CTNNA3: variants seen among roughly 807,000 people sequenced by gnomAD.
CTNNA3 encodes the protein catenin alpha 3.
A neutral mutation model predicts 95.7 loss-of-function variants in CTNNA3; 76 were observed. The ratio of observed to expected loss-of-function variants is 0.79; its 90% CI spans 0.66 to 0.96. The LOEUF (loss-of-function observed/expected upper bound fraction) is 0.96, where lower values mean the gene tolerates loss of function less well. CTNNA3 is among the 40% of genes least tolerant of loss of function. CTNNA3 has a pLI of 0.00. For synonymous variants in CTNNA3, 431 were observed against 374.4 expected (o/e 1.15, Z -1.74); for missense variants, 1,191 against 1,089.8 (o/e 1.09, Z -1.31).
intron 10 of CTNNA3, among the ~76,000 whole-genome samples, chr10:66,525,760 T>C (rs528942077): frequency 1.3e-5 from 2 of 152,298 alleles, no homozygotes; most frequent in East Asian, 3.9e-4. Context: ...CCAGAACTTT[T>C]TAGCACATCA....
chr10:67,145,453 T>C (rs540043694), intron 7 of CTNNA3, among the ~76,000 whole-genome samples: 10 of 150,020 alleles, frequency 6.7e-5, no homozygotes, highest in African/African-American at 2.4e-4. Flanking sequence ...TTTTTTTTGA[T>C]GGAGTCTCAG....
chr10:67,444,630 C>T (rs1194637520), intron 5 of CTNNA3, among the ~76,000 whole-genome samples: 1 of 151,626 alleles, frequency 6.6e-6, no homozygotes, highest in Admixed American at 6.6e-5. Context: ...AAAGCCTAAA[C>T]AAAATTGACA....
chr10:66,997,286 A>C (rs1391340124), intron 7 of CTNNA3, among the ~76,000 whole-genome samples: 3 of 152,210 alleles, frequency 2.0e-5, no homozygotes, highest in Non-Finnish European at 4.4e-5. Flanking sequence ...ACAATCTCTT[A>C]TAAAAATGAA....
At chr10:66,751,975 A>AAT (rs1163860938) in intron 9 of CTNNA3, among the ~76,000 whole-genome samples, 2 of 152,148 alleles carry the variant, frequency 1.3e-5, no homozygotes, top group Non-Finnish European at 2.9e-5. Flanking sequence ...GGAGAGATAT[A>AAT]CCATGTTTGT....
At position 67,232,163 on chromosome 10, in the gene CTNNA3, C is replaced by T. The variant is rs551988785; in HGVS notation, c.580-12293G>A. On this transcript the variant is annotated intron_variant, in intron 5 of 17. Coordinates refer to ENST00000433211, the MANE Select transcript of CTNNA3 (RefSeq NM_013266.4). ...TCAGATTCAGGAAATACAGAGAACG[C>T]CACAAAGACACTCCTCGAGAAGAGC... Among the ~76,000 whole-genome samples, 19 of 152,110 alleles carry T rather than the reference C, an allele frequency of 1.2e-4. No individual in the cohort carries two copies. In the South Asian group the frequency reaches 3.5e-3, roughly 28 times the overall value.
At chr10:66,958,241 G>A (rs1848925674) in intron 7 of CTNNA3, among the ~76,000 whole-genome samples, 1 of 137,972 alleles carries the variant, frequency 7.2e-6, no homozygotes, top group Non-Finnish European at 1.5e-5. Context: ...GAAACAGGAA[G>A]ATTTAGCAAC....
intron 7 of CTNNA3, among the ~76,000 whole-genome samples, chr10:67,162,876 G>A (rs1012213795): frequency 2.6e-5 from 4 of 151,960 alleles, no homozygotes; most frequent in African/African-American, 7.2e-5. Flanking sequence ...ATGTAAGTTT[G>A]ACAAGTTAGA....
intron 4 of CTNNA3, among the ~76,000 whole-genome samples, chr10:67,524,271 C>T (rs954052159): frequency 5.9e-5 from 9 of 151,770 alleles, no homozygotes; most frequent in Admixed American, 3.3e-4. Context: ...GGAGAGGTGG[C>T]GGGCGCCTGT....
intron 7 of CTNNA3, among the ~76,000 whole-genome samples, chr10:66,999,932 G>C (rs1461936078): frequency 1.8e-4 from 27 of 152,158 alleles, no homozygotes; most frequent in Non-Finnish European, 4.0e-4. Flanking sequence ...GTTGGCTTTA[G>C]ATCAGTGACT....
intron 12 of CTNNA3, among the ~76,000 whole-genome samples, chr10:66,336,672 T>G (rs1177839795): frequency 6.6e-6 from 1 of 152,132 alleles, no homozygotes. Flanking sequence ...TTCCAAAAAT[T>G]TCACATCTAC....
At chr10:66,529,876 C>G (rs925521729) in intron 10 of CTNNA3, among the ~76,000 whole-genome samples, 1 of 151,962 alleles carries the variant, frequency 6.6e-6, no homozygotes, top group East Asian at 1.9e-4. Flanking sequence ...TGATTTTATG[C>G]CCATAAAAAA....
In CTNNA3 at chr10:67,739,628, C is replaced by T. The variant is rs1288399575; in HGVS notation, c.-2+23806G>A. Among the ~76,000 whole-genome samples, 5 of 151,712 alleles carry T rather than the reference C, an allele frequency of 3.3e-5. No homozygotes were observed. The East Asian group carries it at 9.7e-4, about 29-fold the overall frequency. On this transcript the variant is annotated intron_variant, in intron 1 of 17. Coordinates refer to the CTNNA3 transcript ENST00000684154. ...ACGTGAAGGACCTCTTCAAGGAGAA[C>T]TACAAACCACTGCTCAAGGAAATAA... is the stretch of plus-strand genomic sequence containing the variant.
At chr10:67,541,001 A>G (rs1358956318) in intron 3 of CTNNA3, among the ~76,000 whole-genome samples, 1 of 152,038 alleles carries the variant, frequency 6.6e-6, no homozygotes, top group East Asian at 1.9e-4. Flanking sequence ...TGAGTATTAA[A>G]TAAGAGTACA....
At chr10:66,793,843 G>T (rs1410396891) in intron 7 of CTNNA3, among the ~76,000 whole-genome samples, 1 of 152,012 alleles carries the variant, frequency 6.6e-6, no homozygotes, top group East Asian at 1.9e-4. Context: ...ACTACATAAA[G>T]AACAATTCTA....
intron 5 of CTNNA3, among the ~76,000 whole-genome samples, chr10:67,465,380 A>G (rs1037011492): frequency 1.3e-4 from 20 of 152,092 alleles, no homozygotes; most frequent in African/African-American, 3.9e-4. Context: ...GTATTTCACA[A>G]TAAGAGAGTT....
intron 13 of CTNNA3, among the ~76,000 whole-genome samples, chr10:66,202,575 T>C (rs893784334): frequency 6.6e-6 from 1 of 152,208 alleles, no homozygotes; most frequent in African/African-American, 2.4e-5. Flanking sequence ...CTGAATGTAG[T>C]TTTGCTCCGG....
chr10:67,500,456 C>T (rs1839193221), intron 5 of CTNNA3, among the ~76,000 whole-genome samples: 2 of 152,130 alleles, frequency 1.3e-5, no homozygotes, highest in African/African-American at 2.4e-5. Flanking sequence ...CTGTTTGTTC[C>T]AGAGCTGAGC....
At chr10:66,925,968 A>G (rs1044772901) in intron 7 of CTNNA3, 1 of 456,098 alleles carries the variant, frequency 2.2e-6, no homozygotes, top group African/African-American at 2.0e-5. Flanking sequence ...ACATTTCTGC[A>G]CATGCCCATA....
chr10:66,829,542 G>A (rs1842637508), intron 7 of CTNNA3, among the ~76,000 whole-genome samples: 1 of 151,792 alleles, frequency 6.6e-6, no homozygotes, highest in Non-Finnish European at 1.5e-5. Flanking sequence ...AAACCCGGGA[G>A]GCAGAGGTTG....
Sources: allele counts gnomAD v4.1 joint callset (sites outside exome capture counted in the v4.1 genomes callset), GRCh38; gene constraint gnomAD v4.1.1; transcripts MANE v1.5; gene names NCBI Gene and HGNC (gene_info 2026-07-23, HGNC 2026-07-21).